Variants in LRCH3 observed in about 807,000 individuals in gnomAD.
LRCH3 encodes DISP complex protein LRCH3.
Under a neutral mutation model 104.5 loss-of-function variants are expected in LRCH3, and 68 were observed. The observed-to-expected ratio is 0.65, with a 90% CI of 0.54 to 0.80. The LOEUF (loss-of-function observed/expected upper bound fraction) is 0.80. Among genes scored for constraint, LRCH3 ranks in the 30% least tolerant of loss-of-function variants. LRCH3 has a pLI of 0.00. For synonymous variants in LRCH3, 344 were observed against 361.3 expected, an observed-to-expected ratio of 0.95 and a Z score of 0.54; for missense variants, 951 against 953.9, an observed-to-expected ratio of 1.00 and a Z score of 0.04.
intron 1 of LRCH3, among the ~76,000 whole-genome samples, chr3:197,792,564 C>A (rs1730652829): frequency 2.9e-5 from 1 of 34,656 alleles, no homozygotes. Context: ...GCCGCCACCA[C>A]GCCCAGCTAA....
At chr3:197,826,598 A>G (rs1003013369) in intron 4 of LRCH3, among the ~76,000 whole-genome samples, 4 of 152,220 alleles carry the variant, frequency 2.6e-5, no homozygotes, top group African/African-American at 9.6e-5. Flanking sequence ...TGTTATCCTC[A>G]CCTTCTTGTG....
At chr3:197,834,915 G>GA in intron 8 of LRCH3, among the ~76,000 whole-genome samples, 1 of 152,266 alleles carries the variant, frequency 6.6e-6, no homozygotes, top group South Asian at 2.1e-4. Flanking sequence ...TGGCCACAGT[G>GA]GGCGGATCGC....
chr3:197,877,998 T>C (rs572941265), intron 20 of LRCH3, among the ~76,000 whole-genome samples: 279 of 152,362 alleles, frequency 1.8e-3, no homozygotes, highest in African/African-American at 3.5e-3. Flanking sequence ...ATTCTAATAG[T>C]GCACATTAGC....
intron 2 of LRCH3, among the ~76,000 whole-genome samples, chr3:197,816,941 T>C (rs972235523): frequency 2.6e-5 from 4 of 152,174 alleles, no homozygotes; most frequent in African/African-American, 9.7e-5. Flanking sequence ...GGTAGGGAGA[T>C]ACTAAGATCT....
intron 17 of LRCH3, among the ~76,000 whole-genome samples, 172 bp from the exon 18 acceptor site, chr3:197,869,988 G>A (rs1406681640): frequency 6.6e-6 from 1 of 151,832 alleles, no homozygotes; most frequent in Non-Finnish European, 1.5e-5. Flanking sequence ...TGTACCCGCA[G>A]GAGGTAGAAA....
intron 4 of LRCH3, among the ~76,000 whole-genome samples, chr3:197,821,930 TGTCAGA>T (rs1734539070): frequency 6.6e-6 from 1 of 152,230 alleles, no homozygotes; most frequent in Admixed American, 6.5e-5. Context: ...TGCCTCAGCC[TGTCAGA>T]GTGCTGGGAT....
chr3:197,876,338 T>C (rs1712887090), intron 20 of LRCH3: 1 of 152,282 alleles, frequency 6.6e-6, no homozygotes, highest in Non-Finnish European at 1.5e-5. Context: ...CATGAAGCTC[T>C]GGTTCTTTGG....
rs112298369 is a variant in LRCH3 at position 197,811,548 on chromosome 3, C to T, written c.263-3360C>T. Among the ~76,000 whole-genome samples, 52 of 152,172 alleles carry T rather than the reference C, an allele frequency of 3.4e-4. 1 individual carries two copies. The highest frequency in any genetic ancestry group is 1.1e-3 in the African/African-American group (45 of 41,514). On this transcript the variant is annotated intron_variant, in intron 1 of 20. Transcript: ENST00000425562. ...TAAGGATGATGTCACTGCGTGGGAC[C>T]GCCTGGAGGAGTTATTAGAAGAACA...
chr3:197,869,601 A>G (rs61235203), intron 17 of LRCH3, among the ~76,000 whole-genome samples: 1,796 of 70,452 alleles, frequency 0.025, 27 homozygotes, highest in Admixed American at 0.07. Flanking sequence ...ACCTGCAGGA[A>G]GTAGAAAGCG....
intron 17 of LRCH3, 28 bp from the exon 18 acceptor site, chr3:197,870,128 CCTTT>C (rs750119555): frequency 6.2e-7 from 1 of 1,604,858 alleles, no homozygotes; most frequent in Non-Finnish European, 8.5e-7. Flanking sequence ...CTGCCAGTTG[CCTTT>C]CTGTCTTACA....
intron 5 of LRCH3, among the ~76,000 whole-genome samples, chr3:197,827,637 C>T (rs1439946423): frequency 1.3e-5 from 2 of 152,094 alleles, no homozygotes; most frequent in Non-Finnish European, 2.9e-5. Context: ...TTTTTCCTTT[C>T]TCTAAATTGG....
intron 20 of LRCH3, among the ~76,000 whole-genome samples, chr3:197,877,622 G>A (rs1713047577): frequency 6.6e-6 from 1 of 152,172 alleles, no homozygotes; most frequent in Admixed American, 6.5e-5. Context: ...AGTTGACTAG[G>A]CCACAGCATC....
At chr3:197,846,718 C>T (rs1195473434) in intron 10 of LRCH3, among the ~76,000 whole-genome samples, 4 of 151,988 alleles carry the variant, frequency 2.6e-5, no homozygotes, top group African/African-American at 4.8e-5. Context: ...TTGGAGGCCA[C>T]GTCCTAAACG....
Position 197,817,172 on chromosome 3 carries a change from T to C in LRCH3, c.408-4T>C. On this transcript the variant is annotated splice_region_variant and splice_polypyrimidine_tract_variant and intron_variant, in intron 2 of 20. Transcript: ENST00000425562. ...TTCTTCTCTCTTTCTACTTACCCAT[T>C]TAGTCGGAACCAACTGTCAACATTG... The C allele has an allele frequency of 6.3e-7, 1 of 1,590,156 alleles. No homozygotes were observed. The highest frequency in any genetic ancestry group is 8.6e-7 in the Non-Finnish European group (1 of 1,169,054).
intron 1 of LRCH3, among the ~76,000 whole-genome samples, chr3:197,801,901 A>T (rs1731939560): frequency 6.6e-6 from 1 of 152,162 alleles, no homozygotes; most frequent in Non-Finnish European, 1.5e-5. Flanking sequence ...TTACAAGTTC[A>T]TTCGAGTTTT....
intron 2 of LRCH3, among the ~76,000 whole-genome samples, chr3:197,816,720 C>T (rs550109157): frequency 1.3e-5 from 2 of 152,158 alleles, no homozygotes; most frequent in South Asian, 4.1e-4. Context: ...TACATTTTCA[C>T]CATTTATGTG....
intron 10 of LRCH3, 29 bp downstream of exon 10, chr3:197,839,426 T>C: frequency 7.1e-7 from 1 of 1,416,978 alleles, no homozygotes; most frequent in Non-Finnish European, 9.7e-7. Context: ...ACTTAATTTG[T>C]TTCTGTCTTA....
intron 1 of LRCH3, among the ~76,000 whole-genome samples, chr3:197,794,807 C>A (rs1731006972): frequency 6.6e-6 from 1 of 152,114 alleles, no homozygotes; most frequent in Non-Finnish European, 1.5e-5. Flanking sequence ...AAGTTCCAGA[C>A]CAGCTTGGCT....
At chr3:197,865,318 G>A in intron 15 of LRCH3, 105 bp from the exon 16 acceptor site, 1 of 760,776 alleles carries the variant, frequency 1.3e-6, no homozygotes. Context: ...TAATCGTGAA[G>A]GAGAGTTACC....
Sources: allele counts gnomAD v4.1 joint callset (sites outside exome capture counted in the v4.1 genomes callset), GRCh38; gene constraint gnomAD v4.1.1; transcripts MANE v1.5; gene names NCBI Gene and HGNC (gene_info 2026-07-23, HGNC 2026-07-21).